The following CDKN2AIP variants were observed in gnomAD, a reference collection of about 807,000 sequenced individuals.
CDKN2AIP encodes the protein CDKN2A interacting protein.
In CDKN2AIP, 12 loss-of-function variants were observed where a neutral mutation model predicts 44.1. The ratio of observed to expected loss-of-function variants is 0.27; its 90% CI spans 0.17 to 0.44. The LOEUF (loss-of-function observed/expected upper bound fraction) is 0.44, where lower values mean the gene tolerates loss of function less well. Ranked by LOEUF, CDKN2AIP falls within the 20% of genes least tolerant of loss-of-function variation. The pLI is 1.00. For synonymous variants in CDKN2AIP, 291 were observed against 272.1 expected (o/e 1.07, Z -0.68); for missense variants, 705 against 681.6 (o/e 1.03, Z -0.38).
Position 183,444,870 on chromosome 4 carries a change from G to A in CDKN2AIP, c.73G>A (p.Asp25Asn). ...VAAWVEALRC[D>N]GETDKHWRHR... ...AGCCTGGGTGGAGGCGCTGCGCTGC[G>A]ACGGCGAGACTGACAAACACTGGCG... Residue 25 changes from aspartate to asparagine, a missense_variant, in exon 1 of 3, where the codon GAC becomes AAC. Around this residue, in one of 2 missense-constraint regions of CDKN2AIP, gnomAD observed 592 missense variants for 518.0 expected, o/e 1.14. Coordinates refer to ENST00000504169, the MANE Select transcript of CDKN2AIP (RefSeq NM_017632.4). The A allele has an allele frequency of 6.3e-7, 1 of 1,593,182 alleles. No individual in the cohort carries two copies. The highest frequency in any genetic ancestry group is 1.1e-5 in the South Asian group (1 of 89,028).
chr4:183,448,271 G>A lies in CDKN2AIP; in HGVS notation c.*844G>A. The A allele has an allele frequency of 6.6e-6, 1 of 151,162 alleles. No individual in the cohort carries two copies. The highest frequency in any genetic ancestry group is 2.5e-5 in the African/African-American group (1 of 40,636). The allele number at this position is 151,162 out of a possible 1,614,324, so 9.4% of individuals were successfully genotyped here. A position where few individuals can be genotyped will look rare whatever the true frequency, so the allele number is the denominator to read the frequency against. The stretch of plus-strand genomic sequence containing the variant: ...TCCCATGACTTGTCATTATAAATTA[G>A]ACAACCAGGTAATTGTGTGATATAC... On this transcript the variant is annotated 3_prime_UTR_variant, in exon 3 of 3. Coordinates refer to ENST00000504169, the MANE Select transcript of CDKN2AIP (RefSeq NM_017632.4).
In CDKN2AIP at chr4:183,446,471, A is replaced by G. The variant is rs1579140850; in HGVS notation, c.787A>G (p.Arg263Gly). 1.2e-6 allele frequency: 2 copies of G among 1,613,702 alleles called. No individual in the cohort carries two copies. Among genetic ancestry groups the G allele is most frequent in the African/African-American group, 1.3e-5 (1 of 74,924 alleles). Residue 263 changes from arginine to glycine, a missense_variant, in exon 3 of 3, where the codon AGA becomes GGA. Arg to Gly is a moderately radical substitution (Grantham distance 125). Transcript: ENST00000504169. Reference sequence around the variant, plus strand: ...TCACATGACCCAATCCACTGATTCTAGACAACAAAGTGGATCACCTAAAAA... The same window carrying G: ...TCACATGACCCAATCCACTGATTCTGGACAACAAAGTGGATCACCTAAAAA... The part of the protein sequence containing the change: ...NSHMTQSTDS[R>G]QQSGSPKKSA...
chr4:183,448,581 T>C lies in CDKN2AIP; in HGVS notation c.*1154T>C, dbSNP rs1433641075. Among the ~76,000 whole-genome samples, 1 of 152,166 alleles carries C rather than the reference T, an allele frequency of 6.6e-6. No individual in the cohort carries two copies. Among genetic ancestry groups the C allele is most frequent in the Non-Finnish European group, 1.5e-5 (1 of 68,012 alleles). On this transcript the variant is annotated 3_prime_UTR_variant, in exon 3 of 3. Transcript: ENST00000504169. Reference sequence around the variant, plus strand: ...TTGCTTCAAACTGGCCCCAAGATGTTATTTTTGTGGTTTCTGGCTTTCTAG... The same window carrying C: ...TTGCTTCAAACTGGCCCCAAGATGTCATTTTTGTGGTTTCTGGCTTTCTAG...
Position 183,446,246 on chromosome 4 carries a change from G to A in CDKN2AIP, c.562G>A (p.Gly188Arg). 6.2e-7 allele frequency: 1 copy of A among 1,614,010 alleles called. No homozygotes were observed. The highest frequency in any genetic ancestry group is 8.5e-7 in the Non-Finnish European group (1 of 1,179,874). ...AGGGTCGGCCATCAAATCAGAGAGT[G>A]GGAACTCAGCTCGGAGCTCTGGCAT... The part of the protein sequence containing the change: ...CIGSAIKSES[G>R]NSARSSGISS... The change falls in exon 3 of 3, where the codon GGG (glycine) becomes AGG (arginine). Residue 188 changes from glycine (G) to arginine (R), a missense_variant. Gly to Arg is a moderately radical substitution (Grantham distance 125). Around this residue, in one of 2 missense-constraint regions of CDKN2AIP, gnomAD observed 592 missense variants for 518.0 expected, o/e 1.14. Coordinates refer to ENST00000504169, the MANE Select transcript of CDKN2AIP (RefSeq NM_017632.4).
chr4:183,447,803 A>G lies in CDKN2AIP; in HGVS notation c.*376A>G, dbSNP rs1733715500. The G allele has an allele frequency of 6.4e-6, 1 of 157,380 alleles. No homozygotes were observed. Among genetic ancestry groups the G allele is most frequent in the African/African-American group, 2.4e-5 (1 of 41,606 alleles). 9.7% of individuals were successfully genotyped at this position (157,380 alleles called of 1,614,324 possible). On this transcript the variant is annotated 3_prime_UTR_variant, in exon 3 of 3. Coordinates refer to ENST00000504169, the MANE Select transcript of CDKN2AIP (RefSeq NM_017632.4). ...TTTCTTTTCTAGCTGAATAAACCAC[A>G]TCAAAGGAAAGGGACCACAGTATTT...
intron 2 of CDKN2AIP, 28 bp from the exon 3 acceptor site, chr4:183,446,060 C>A: frequency 6.5e-7 from 1 of 1,546,168 alleles, no homozygotes; most frequent in South Asian, 1.2e-5. Flanking sequence ...TATTCTTAGT[C>A]ACATATCTAT....
rs201746352 is a variant in CDKN2AIP at position 183,444,960 on chromosome 4, G to C, written c.163G>C (p.Ala55Pro). 84 of 1,611,172 alleles carry C rather than the reference G, an allele frequency of 5.2e-5. 1 individual carries two copies. Among genetic ancestry groups the C allele is most frequent in the Non-Finnish European group, 7.0e-5 (83 of 1,178,756 alleles). The change falls in exon 1 of 3, where the codon GCT becomes CCT. Residue 55 changes from alanine to proline, a missense_variant. Around this residue, in one of 2 missense-constraint regions of CDKN2AIP, gnomAD observed 592 missense variants for 518.0 expected, o/e 1.14. Transcript: ENST00000504169. ...DLAPAGGAAS[A>P]STDEAADAES... ...GGCCCCCGCTGGCGGCGCTGCCTCC[G>C]CTAGCACGGATGAAGCTGCCGACGC...
Position 183,444,647 on chromosome 4 carries a change from C to A in CDKN2AIP, c.-151C>A, listed in dbSNP as rs1233914509. ...CGGCGGTGGGCGGAAGTGGGCGGTT[C>A]GGCGGCTCTGGGCGCTGTTGTTTGG... On this transcript the variant is annotated 5_prime_UTR_variant, in exon 1 of 3. Coordinates refer to ENST00000504169, the MANE Select transcript of CDKN2AIP (RefSeq NM_017632.4). The A allele has an allele frequency of 7.8e-6, 5 of 637,380 alleles. No individual in the cohort carries two copies. Among genetic ancestry groups the A allele is most frequent in the Non-Finnish European group, 1.2e-5 (5 of 417,862 alleles). 39.5% of individuals were successfully genotyped at this position (637,380 alleles called of 1,614,324 possible). A position where few individuals can be genotyped will look rare whatever the true frequency, so the allele number is the denominator to read the frequency against.
intron 2 of CDKN2AIP, 63 bp downstream of exon 2, chr4:183,445,728 A>G: frequency 1.5e-6 from 2 of 1,370,906 alleles, no homozygotes; most frequent in Non-Finnish European, 2.0e-6. Flanking sequence ...TATAATTAGG[A>G]ATTATTGTTA....
chr4:183,448,921 C>T lies in CDKN2AIP; in HGVS notation c.*1494C>T, dbSNP rs971863541. On this transcript the variant is annotated 3_prime_UTR_variant, in exon 3 of 3. Transcript: ENST00000504169. ...GTAAGTGGGTTGCCTTTATAGATTG[C>T]GGGACACAATAACATGAATGTATTG... Among the ~76,000 whole-genome samples, 10 of 151,988 alleles carry T rather than the reference C, an allele frequency of 6.6e-5. No individual in the cohort carries two copies. Among genetic ancestry groups the T allele is most frequent in the Non-Finnish European group, 2.9e-5 (2 of 67,976 alleles).
rs1047001698 is a variant in CDKN2AIP, at chr4:183,446,474, C to T, written c.790C>T (p.Gln264Ter). 1 of 1,613,652 alleles carries T rather than the reference C, an allele frequency of 6.2e-7. No individual in the cohort carries two copies. Among genetic ancestry groups the T allele is most frequent in the Non-Finnish European group, 8.5e-7 (1 of 1,179,552 alleles). Residue 264 changes from glutamine to a stop codon, truncating the protein, a stop_gained, in exon 3 of 3, where the codon CAA becomes TAA. Coordinates refer to ENST00000504169, the MANE Select transcript of CDKN2AIP (RefSeq NM_017632.4). LOFTEE classifies it high-confidence loss of function. ...SHMTQSTDSRQQSGSPKKSAL... is the reference protein window; with the variant it reads ...SHMTQSTDSR ...CATGACCCAATCCACTGATTCTAGACAACAAAGTGGATCACCTAAAAAGAG... is the reference window on the plus strand; with the variant it reads ...CATGACCCAATCCACTGATTCTAGATAACAAAGTGGATCACCTAAAAAGAG...
rs773531189 is a variant in CDKN2AIP, at chr4:183,446,729, A to G, written c.1045A>G (p.Ser349Gly). The change falls in exon 3 of 3, where the codon AGC becomes GGC. Residue 349 changes from serine (S) to glycine (G), a missense_variant. By Grantham distance (56) the Ser-to-Gly change is moderately conservative. Transcript: ENST00000504169. ...AGGCACATCCTTACTGACTCCCAAG[A>G]GCAGCTCTTCAACAAATACATCGCT... ...SSGTSLLTPK[S>G]SSSTNTSLLT... The G allele has an allele frequency of 6.2e-7, 1 of 1,614,212 alleles. No homozygotes were observed. Among genetic ancestry groups the G allele is most frequent in the Non-Finnish European group, 8.5e-7 (1 of 1,180,008 alleles).
chr4:183,446,135 A>C lies in CDKN2AIP; in HGVS notation c.451A>C (p.Ser151Arg). The C allele has an allele frequency of 1.2e-6, 2 of 1,613,122 alleles. No homozygotes were observed. Among genetic ancestry groups the C allele is most frequent in the East Asian group, 4.5e-5 (2 of 44,886 alleles). ...AAAACGAGTTATAGAAGGAAAAAAC[A>C]GTTCTGCAGTTGAGCAAGATCACGC... ...SKKRVIEGKN[S>R]SAVEQDHAKT... The change falls in exon 3 of 3, where the codon AGT becomes CGT. Residue 151 changes from serine to arginine, a missense_variant. Physicochemically the swap from Ser to Arg is moderately radical, Grantham distance 110 (BLOSUM62 -1). Coordinates refer to ENST00000504169, the MANE Select transcript of CDKN2AIP (RefSeq NM_017632.4).
At chr4:183,445,195 G>A (rs1426769254) in intron 1 of CDKN2AIP, 126 bp downstream of exon 1, 4 of 1,227,120 alleles carry the variant, frequency 3.3e-6, no homozygotes, top group African/African-American at 1.5e-5. Context: ...GGAATCCGCC[G>A]GCCCGGCTGC....
Position 183,447,857 on chromosome 4 carries a change from GT to G in CDKN2AIP, c.*434del, listed in dbSNP as rs1486416813. ...TGTTTGAAAGTCTGTAAAGCTTAAG[GT>G]TTTAAAAATGTTGCCCGTAATGTTG... On this transcript the variant is annotated 3_prime_UTR_variant, in exon 3 of 3. Coordinates refer to ENST00000504169, the MANE Select transcript of CDKN2AIP (RefSeq NM_017632.4). The G allele has an allele frequency of 3.3e-5, 5 of 152,956 alleles. No homozygotes were observed. The highest frequency in any genetic ancestry group is 1.2e-4 in the African/African-American group (5 of 41,422). The allele number at this position is 152,956 out of a possible 1,614,324, so 9.5% of individuals were successfully genotyped here.
rs143559678 is a variant in CDKN2AIP, at chr4:183,447,400, A to G, written c.1716A>G (p.Ala572=). Residue 572 remains alanine, a synonymous_variant, in exon 3 of 3, where the codon GCA becomes GCG. Transcript: ENST00000504169. The part of the protein sequence containing the change: ...EESRPVNLPP[A]LKHPQELL ...CGAGGCCTGTAAACTTACCTCCAGC[A>G]CTAAAACATCCTCAAGAATTACTAT... 249 of 1,543,242 alleles carry G rather than the reference A, an allele frequency of 1.6e-4. No homozygotes were observed. Among genetic ancestry groups the G allele is most frequent in the East Asian group, 8.1e-4 (36 of 44,512 alleles).
In CDKN2AIP at chr4:183,444,935, G is replaced by GGCCCCCGCTGGCGGCGCT. The variant is rs1313366192; in HGVS notation, c.142_159dup (p.Pro48_Ala53dup). 1 of 1,611,296 alleles carries GGCCCCCGCTGGCGGCGCT rather than the reference G, an allele frequency of 6.2e-7. No individual in the cohort carries two copies. Among genetic ancestry groups the GGCCCCCGCTGGCGGCGCT allele is most frequent in the Non-Finnish European group, 8.5e-7 (1 of 1,178,914 alleles). On this transcript the variant is annotated inframe_insertion, in exon 1 of 3. Coordinates refer to ENST00000504169, the MANE Select transcript of CDKN2AIP (RefSeq NM_017632.4). ...TTTTGCTTCGCAACGCCGGGGACCT[G>GGCCCCCGCTGGCGGCGCT]GCCCCCGCTGGCGGCGCTGCCTCCG...
chr4:183,446,399 C>T lies in CDKN2AIP; in HGVS notation c.715C>T (p.His239Tyr), dbSNP rs771832415. The T allele has an allele frequency of 1.9e-6, 3 of 1,559,644 alleles. No homozygotes were observed. The South Asian group carries it at 3.3e-5, about 17-fold the overall frequency. The change falls in exon 3 of 3, where the codon CAC (histidine) becomes TAC (tyrosine). Residue 239 changes from histidine (H) to tyrosine (Y), a missense_variant. His to Tyr is a moderately conservative substitution (Grantham distance 83). Transcript: ENST00000504169. ...TTCTGAAGCAGAAGCTCCAGATAAA[C>T]ACGGTTCTGCATCATTTGTTTCCTT... ...KASEAEAPDK[H>Y]GSASFVSLLK...
In CDKN2AIP at chr4:183,448,553, ACTTTG is replaced by A. The variant is rs1407737665; in HGVS notation, c.*1130_*1134del. ...TTGTCTGTCATTGTATATTCTGTTT[ACTTTG>A]CTTCAAACTGGCCCCAAGATGTTAT... On this transcript the variant is annotated 3_prime_UTR_variant, in exon 3 of 3. Coordinates refer to ENST00000504169, the MANE Select transcript of CDKN2AIP (RefSeq NM_017632.4). 6.6e-6 allele frequency among the ~76,000 whole-genome samples: 1 copy of A among 152,070 alleles called. No individual in the cohort carries two copies. The highest frequency in any genetic ancestry group is 1.9e-4 in the East Asian group (1 of 5,198).
Sources: gnomAD v4.1 joint callset for allele counts (sites outside exome capture counted in the v4.1 genomes callset) on GRCh38, gnomAD v4.1.1 for gene constraint, gnomAD v4.1.1 regional missense constraint, MANE v1.5 for transcripts, NCBI Gene and HGNC (gene_info 2026-07-23, HGNC 2026-07-21) for gene names.